The following IL6R variants were observed in gnomAD, a reference collection of about 807,000 sequenced individuals.
The protein encoded by IL6R is interleukin 6 receptor, also known as interleukin-6 receptor subunit alpha.
Under a neutral mutation model 48.3 loss-of-function variants are expected in IL6R, and 38 were observed. The observed-to-expected ratio is 0.79, with a 90% CI of 0.61 to 1.03. The LOEUF is 1.03. Among genes scored for constraint, IL6R ranks in the 50% least tolerant of loss-of-function variants. The probability of loss-of-function intolerance (pLI) is 0.00; values close to 1 mark genes in which losing one functional copy is unlikely to be tolerated. For missense variants in IL6R, 534 were observed against 618.3 expected, an observed-to-expected ratio of 0.86 and a Z score of 1.45; for synonymous variants, 264 against 256.2, an observed-to-expected ratio of 1.03 and a Z score of -0.29.
chr1:154,409,786 A>T (rs1440873137), intron 1 of IL6R, among the ~76,000 whole-genome samples: 3 of 152,116 alleles, frequency 2.0e-5, no homozygotes, highest in African/African-American at 7.2e-5. Flanking sequence ...TATTAACAGG[A>T]TGTAAATTAA....
chr1:154,462,412 T>C (rs1056866731), intron 9 of IL6R, among the ~76,000 whole-genome samples: 9 of 151,906 alleles, frequency 5.9e-5, no homozygotes, highest in Admixed American at 1.3e-4. Flanking sequence ...TCATTCTTAT[T>C]GCCCAGGCTG....
At chr1:154,450,751 G>T (rs1486233419) in intron 8 of IL6R, among the ~76,000 whole-genome samples, 3 of 152,226 alleles carry the variant, frequency 2.0e-5, no homozygotes, top group Non-Finnish European at 4.4e-5. Context: ...GGGACTTATG[G>T]AATCCAGACT....
Position 154,465,235 on chromosome 1 carries a change from C to A in IL6R, c.1262C>A (p.Thr421Asn). The A allele has an allele frequency of 6.2e-7, 1 of 1,614,234 alleles. No individual in the cohort carries two copies. Among genetic ancestry groups the A allele is most frequent in the East Asian group, 2.2e-5 (1 of 44,884 alleles). Residue 421 changes from threonine (T) to asparagine (N), a missense_variant, in exon 10 of 10, where the codon ACC becomes AAC. Coordinates refer to ENST00000368485, the MANE Select transcript of IL6R (RefSeq NM_000565.4). ...CTGGTCCCGGAGAGGCCTCGACCCA[C>A]CCCAGTGCTTGTTCCTCTCATCTCC... is the stretch of plus-strand genomic sequence containing the variant. ...GQLVPERPRP[T>N]PVLVPLISPP...
rs887060578 is a variant in IL6R at position 154,468,526 on chromosome 1, C to T, written c.*3146C>T. 6.6e-6 allele frequency: 1 copy of T among 152,230 alleles called. No homozygotes were observed. The highest frequency in any genetic ancestry group is 1.5e-5 in the Non-Finnish European group (1 of 68,042). 9.4% of individuals were successfully genotyped at this position (152,230 alleles called of 1,614,324 possible). A position where few individuals can be genotyped will look rare whatever the true frequency, so the allele number is the denominator to read the frequency against. On this transcript the variant is annotated 3_prime_UTR_variant, in exon 10 of 10. Coordinates refer to ENST00000368485, the MANE Select transcript of IL6R (RefSeq NM_000565.4). ...GGTAGCACTGGCTATGTTGACGAGG[C>T]CTTTGGTAACTCAGAGAGCTCTTGG...
At chr1:154,423,606 A>T (rs967847361) in intron 1 of IL6R, among the ~76,000 whole-genome samples, 24 of 152,134 alleles carry the variant, frequency 1.6e-4, no homozygotes, top group Non-Finnish European at 2.8e-4. Flanking sequence ...TTCTTTGATC[A>T]TTCTGCATAC....
chr1:154,463,841 T>A (rs1046114636), intron 9 of IL6R, among the ~76,000 whole-genome samples: 1 of 152,242 alleles, frequency 6.6e-6, no homozygotes, highest in African/African-American at 2.4e-5. Flanking sequence ...ATCAGAAAGA[T>A]GTCTATCTCC....
chr1:154,448,221 A>G, intron 7 of IL6R, 50 bp downstream of exon 7: 2 of 1,512,922 alleles, frequency 1.3e-6, no homozygotes, highest in Non-Finnish European at 9.2e-7. Flanking sequence ...CCTCGTGTTT[A>G]GGAGTGTGGG....
At chr1:154,445,798 G>A (rs1003832639) in intron 6 of IL6R, among the ~76,000 whole-genome samples, 1 of 151,906 alleles carries the variant, frequency 6.6e-6, no homozygotes, top group African/African-American at 2.4e-5. Context: ...ATGGTTCTGA[G>A]GCAACAAGCA....
chr1:154,430,097 A>C (rs1558310554), intron 2 of IL6R, among the ~76,000 whole-genome samples: 1 of 152,138 alleles, frequency 6.6e-6, no homozygotes, highest in Non-Finnish European at 1.5e-5. Flanking sequence ...CATCATCATT[A>C]CATTATCATC....
chr1:154,446,131 A>C (rs771260836), intron 6 of IL6R, among the ~76,000 whole-genome samples: 2 of 152,050 alleles, frequency 1.3e-5, no homozygotes, highest in Non-Finnish European at 2.9e-5. Flanking sequence ...TCCTTTAGAT[A>C]CCCTGGGCTA....
In IL6R at chr1:154,445,848, C is replaced by A. The variant is rs189275551; in HGVS notation, c.950-2277C>A. Among the ~76,000 whole-genome samples, 913 of 151,966 alleles carry A rather than the reference C, an allele frequency of 6.0e-3. 39 individuals carry two copies. The highest frequency in any genetic ancestry group is 0.056 in the Admixed American group (850 of 15,260). ...AGGCTCCAGACGAAGCTGACTCTGG[C>A]GGGGTTTGGAAAACTGCTGAACTGC... On this transcript the variant is annotated intron_variant, in intron 6 of 9. Coordinates refer to ENST00000368485, the MANE Select transcript of IL6R (RefSeq NM_000565.4).
At position 154,454,202 on chromosome 1, in the gene IL6R, G is replaced by A. The variant is rs79694156; in HGVS notation, c.1067-286G>A. 2.9e-4 allele frequency: 131 copies of A among 457,206 alleles called. 1 individual carries two copies. The highest frequency in any genetic ancestry group is 2.1e-3 in the African/African-American group (109 of 51,058). 28.3% of individuals were successfully genotyped at this position (457,206 alleles called of 1,614,324 possible). A position where few individuals can be genotyped will look rare whatever the true frequency, so the allele number is the denominator to read the frequency against. On this transcript the variant is annotated intron_variant, in intron 8 of 9. Transcript: ENST00000368485. The stretch of plus-strand genomic sequence containing the variant: ...TAGGAGTCTGTGGCTAGCCACAGGC[G>A]CTCAGAAACCCTGAGCTTGAGGTGT...
intron 1 of IL6R, among the ~76,000 whole-genome samples, chr1:154,417,935 A>G (rs1358981581): frequency 2.0e-5 from 3 of 151,950 alleles, no homozygotes; most frequent in Non-Finnish European, 4.4e-5. Flanking sequence ...GGATTTCACC[A>G]TGTTGGCCAA....
At chr1:154,436,214 G>A in intron 6 of IL6R, 104 bp downstream of exon 6, 1 of 1,320,492 alleles carries the variant, frequency 7.6e-7, no homozygotes, top group Non-Finnish European at 1.0e-6. Context: ...GCTTAGGCCA[G>A]GTGTGGTGGC....
rs1193890176 is a variant in IL6R, at chr1:154,468,122, A to C, written c.*2742A>C. ...GGTTGTTTTCCCTTTATTTTTCATAAGCTAATGTAAATGAAGAAAAAATGT... is the reference window on the plus strand; with the variant it reads ...GGTTGTTTTCCCTTTATTTTTCATACGCTAATGTAAATGAAGAAAAAATGT... On this transcript the variant is annotated 3_prime_UTR_variant, in exon 10 of 10. Transcript: ENST00000368485. 6.6e-6 allele frequency: 1 copy of C among 152,074 alleles called. No homozygotes were observed. The highest frequency in any genetic ancestry group is 1.5e-5 in the Non-Finnish European group (1 of 68,014). The allele number at this position is 152,074 out of a possible 1,614,324, so 9.4% of individuals were successfully genotyped here.
At position 154,434,579 on chromosome 1, in the gene IL6R, G is replaced by A. The variant is rs747711857; in HGVS notation, c.519G>A (p.Lys173=). ...GCCAGTATTCCCAGGAGTCCCAGAA[G>A]TTCTCCTGCCAGTTAGCAGTCCCGG... The part of the protein sequence containing the change: ...EPCQYSQESQ[K]FSCQLAVPEG... The change falls in exon 4 of 10, where the codon AAG becomes AAA. Residue 173 remains lysine, a synonymous_variant. Coordinates refer to ENST00000368485, the MANE Select transcript of IL6R (RefSeq NM_000565.4). 1 of 1,614,086 alleles carries A rather than the reference G, an allele frequency of 6.2e-7. No individual in the cohort carries two copies. Among genetic ancestry groups the A allele is most frequent in the Non-Finnish European group, 8.5e-7 (1 of 1,180,014 alleles).
rs1558325000 is a variant in IL6R, at chr1:154,448,882, T to C, written c.996+711T>C. 1.2e-4 allele frequency among the ~76,000 whole-genome samples: 16 copies of C among 129,846 alleles called. 2 individuals are homozygous for C. Among genetic ancestry groups the C allele is most frequent in the African/African-American group, 3.7e-4 (13 of 34,866 alleles). 85.2% of individuals were successfully genotyped at this position (129,846 alleles called of 152,430 possible). A position where few individuals can be genotyped will look rare whatever the true frequency, so the allele number is the denominator to read the frequency against. ...AGGGAGTGCTTGTAAGGGCTTTTTT[T>C]TTTTTTTTTTTTTTTTTTTTTTGAG... On this transcript the variant is annotated intron_variant, in intron 7 of 9. Transcript: ENST00000368485.
intron 1 of IL6R, among the ~76,000 whole-genome samples, chr1:154,413,895 C>G (rs1688183700): frequency 6.6e-6 from 1 of 150,952 alleles, no homozygotes; most frequent in Non-Finnish European, 1.5e-5. Flanking sequence ...AGTGCAGTGA[C>G]ATGCTCATGG....
At chr1:154,438,584 A>G (rs1029587025) in intron 6 of IL6R, among the ~76,000 whole-genome samples, 3 of 152,132 alleles carry the variant, frequency 2.0e-5, no homozygotes, top group Non-Finnish European at 2.9e-5. Flanking sequence ...AATTGACATC[A>G]GTCCCATCCC....
Sources: allele counts gnomAD v4.1 joint callset (sites outside exome capture counted in the v4.1 genomes callset), GRCh38; gene constraint gnomAD v4.1.1; transcripts MANE v1.5; gene names NCBI Gene and HGNC (gene_info 2026-07-23, HGNC 2026-07-21).